The following LARGE1 variants were observed in gnomAD, a reference collection of about 807,000 sequenced individuals.
The protein encoded by LARGE1 is LARGE xylosyl- and glucuronyltransferase 1.
In LARGE1, 43 loss-of-function variants were observed where a neutral mutation model predicts 87.6. That is an observed-to-expected ratio of 0.49 (90% confidence interval 0.38 to 0.63). The LOEUF (loss-of-function observed/expected upper bound fraction) is 0.63. Among genes scored for constraint, LARGE1 ranks in the 30% least tolerant of loss-of-function variants. The pLI, the probability that LARGE1 is intolerant of heterozygous loss-of-function variation, is 0.00. For synonymous variants in LARGE1, 434 were observed against 394.6 expected, an observed-to-expected ratio of 1.10 and a Z score of -1.18; for missense variants, 802 against 1,000.2, an observed-to-expected ratio of 0.80 and a Z score of 2.67.
the LARGE1 span, among the ~76,000 whole-genome samples, chr22:33,156,410 G>A: frequency 6.6e-6 from 1 of 152,210 alleles, no homozygotes; most frequent in Non-Finnish European, 1.5e-5. Context: ...TTACATTAAT[G>A]TTATCTGGAT....
At chr22:33,857,253 G>A (rs2063781908) in intron 1 of LARGE1, among the ~76,000 whole-genome samples, 1 of 152,202 alleles carries the variant, frequency 6.6e-6, no homozygotes, top group South Asian at 2.1e-4. Flanking sequence ...TCATGGGGCA[G>A]ACAGATTAGT....
chr22:33,082,969 G>A, the LARGE1 span, among the ~76,000 whole-genome samples: 1 of 152,150 alleles, frequency 6.6e-6, no homozygotes, highest in Non-Finnish European at 1.5e-5. Flanking sequence ...AGCTTGCAGT[G>A]AGCTGAGATC....
At chr22:33,814,817 A>G (rs531565439) in intron 1 of LARGE1, among the ~76,000 whole-genome samples, 1 of 152,170 alleles carries the variant, frequency 6.6e-6, no homozygotes, top group Non-Finnish European at 1.5e-5. Context: ...TAACATATGC[A>G]TAATGTAATT....
chr22:33,292,830 C>T (rs537586318), intron 12 of LARGE1, among the ~76,000 whole-genome samples: 4 of 152,292 alleles, frequency 2.6e-5, no homozygotes, highest in African/African-American at 9.6e-5. Flanking sequence ...CACTACTTCC[C>T]TAACTGTGCA....
chr22:33,401,390 T>G (rs753059280), intron 7 of LARGE1, among the ~76,000 whole-genome samples: 1 of 152,104 alleles, frequency 6.6e-6, no homozygotes, highest in Non-Finnish European at 1.5e-5. Context: ...GTCTCGTCCT[T>G]CTTGGGAGGC....
At chr22:33,750,742 AT>A (rs2084284665) in intron 2 of LARGE1, 1 of 152,158 alleles carries the variant, frequency 6.6e-6, no homozygotes, top group Non-Finnish European at 1.5e-5. Context: ...GCTGGTAAGA[AT>A]ACTGGTCTTG....
At chr22:33,558,572 T>C (rs1025927313) in intron 6 of LARGE1, among the ~76,000 whole-genome samples, 5 of 152,170 alleles carry the variant, frequency 3.3e-5, no homozygotes, top group Non-Finnish European at 7.4e-5. Flanking sequence ...TAGATCACCC[T>C]GCTGATAAAG....
intron 7 of LARGE1, among the ~76,000 whole-genome samples, chr22:33,430,906 A>G (rs2067056488): frequency 6.7e-6 from 1 of 149,522 alleles, no homozygotes; most frequent in Non-Finnish European, 1.5e-5. Flanking sequence ...TGATCCCACT[A>G]CAGACTGGCC....
At chr22:33,402,841 G>A (rs902293072) in intron 7 of LARGE1, among the ~76,000 whole-genome samples, 1 of 152,090 alleles carries the variant, frequency 6.6e-6, no homozygotes, top group African/African-American at 2.4e-5. Flanking sequence ...GAGAGCTAAC[G>A]GTGATGGCAG....
intron 6 of LARGE1, among the ~76,000 whole-genome samples, chr22:33,505,677 G>A (rs1370260209): frequency 1.3e-5 from 2 of 152,164 alleles, no homozygotes; most frequent in African/African-American, 2.4e-5. Flanking sequence ...GAGAGGTAGC[G>A]AGTTCCCCGT....
At chr22:33,738,108 G>A (rs1343198054) in intron 2 of LARGE1, among the ~76,000 whole-genome samples, 1 of 152,150 alleles carries the variant, frequency 6.6e-6, no homozygotes, top group Non-Finnish European at 1.5e-5. Context: ...TGTATTTCAG[G>A]TAATCGAATT....
At chr22:33,678,576 G>C (rs2081649431) in intron 2 of LARGE1, among the ~76,000 whole-genome samples, 1 of 152,184 alleles carries the variant, frequency 6.6e-6, no homozygotes, top group South Asian at 2.1e-4. Context: ...GTTCTTAGGA[G>C]ACGAGAAGAT....
At chr22:33,111,929 C>T in the LARGE1 span, among the ~76,000 whole-genome samples, 1 of 152,084 alleles carries the variant, frequency 6.6e-6, no homozygotes, top group Non-Finnish European at 1.5e-5. Context: ...AGGGAACAGA[C>T]AGTGGAAGGC....
chr22:33,301,926 T>A (rs996861949), intron 12 of LARGE1, among the ~76,000 whole-genome samples: 1 of 152,138 alleles, frequency 6.6e-6, no homozygotes, highest in Non-Finnish European at 1.5e-5. Flanking sequence ...TTTTAAAACA[T>A]GATGCCCATG....
At chr22:33,327,600 G>A (rs1937351296) in intron 10 of LARGE1, among the ~76,000 whole-genome samples, 1 of 152,198 alleles carries the variant, frequency 6.6e-6, no homozygotes, top group African/African-American at 2.4e-5. Context: ...CTGTCGCTCA[G>A]GCTAGAGTGT....
intron 11 of LARGE1, among the ~76,000 whole-genome samples, chr22:33,235,326 T>C (rs1474652705): frequency 6.6e-6 from 1 of 152,210 alleles, no homozygotes; most frequent in Non-Finnish European, 1.5e-5. Flanking sequence ...CATGGGGTTA[T>C]ACATTCGAGT....
At chr22:33,826,411 C>T (rs557233673) in intron 1 of LARGE1, among the ~76,000 whole-genome samples, 8 of 150,780 alleles carry the variant, frequency 5.3e-5, no homozygotes, top group Non-Finnish European at 2.9e-5. Flanking sequence ...GGCGCAATCT[C>T]GGCTCGCTGC....
chr22:33,860,022 C>G (rs556757939), intron 1 of LARGE1, among the ~76,000 whole-genome samples: 4 of 152,218 alleles, frequency 2.6e-5, no homozygotes, highest in Non-Finnish European at 5.9e-5. Flanking sequence ...CTGCAAGATC[C>G]AAACAGTTCT....
At chr22:33,427,318 A>G (rs2066913453) in intron 7 of LARGE1, among the ~76,000 whole-genome samples, 1 of 152,192 alleles carries the variant, frequency 6.6e-6, no homozygotes, top group African/African-American at 2.4e-5. Flanking sequence ...CTGGTTATCC[A>G]TCCGAAGCTG....
Sources: allele counts gnomAD v4.1 joint callset (sites outside exome capture counted in the v4.1 genomes callset), GRCh38; gene constraint gnomAD v4.1.1; transcripts MANE v1.5; gene names NCBI Gene and HGNC (gene_info 2026-07-23, HGNC 2026-07-21).